LUC7L: variants seen among roughly 807,000 people sequenced by gnomAD.
LUC7L encodes putative RNA-binding protein Luc7-like 1.
In LUC7L, 29 loss-of-function variants were observed where a neutral mutation model predicts 51.1. That is an observed-to-expected ratio of 0.57 (90% CI 0.42 to 0.77). The LOEUF (loss-of-function observed/expected upper bound fraction) is 0.77, where lower values mean the gene tolerates loss of function less well. Among genes scored for constraint, LUC7L ranks in the 30% least tolerant of loss-of-function variants. The pLI is 0.00. For missense variants in LUC7L, 403 were observed against 511.9 expected (o/e 0.79, Z 2.05); for synonymous variants, 181 against 180.7 (o/e 1.00, Z -0.01).
rs750964192 is a variant in LUC7L, at chr16:208,508, T to TA, written c.256-321dup. The TA allele has an allele frequency of 1.1e-4, 63 of 576,572 alleles. No homozygotes were observed. The Middle Eastern group carries it at 2.8e-3, about 25-fold the overall frequency. 35.7% of individuals were successfully genotyped at this position (576,572 alleles called of 1,614,324 possible). A position where few individuals can be genotyped will look rare whatever the true frequency, so the allele number is the denominator to read the frequency against. On this transcript the variant is annotated intron_variant, in intron 3 of 9. Coordinates refer to ENST00000293872, the MANE Select transcript of LUC7L (RefSeq NM_201412.3). ...AATTAAAACACTTGGCAGCAATTCA[T>TA]AGAGTTCTCGGAGGGACAGAAAAGG...
At chr16:219,117 G>A (rs887515720) in intron 3 of LUC7L, among the ~76,000 whole-genome samples, 4 of 151,766 alleles carry the variant, frequency 2.6e-5, no homozygotes, top group East Asian at 3.9e-4. Flanking sequence ...TAGGACAGGC[G>A]CGGTGGCTCA....
intron 1 of LUC7L, chr16:228,193 T>C (rs1231888533): frequency 1.6e-6 from 2 of 1,269,292 alleles, no homozygotes; most frequent in African/African-American, 3.1e-5. Context: ...GAATATATTT[T>C]AGGATTTGCA....
intron 6 of LUC7L, among the ~76,000 whole-genome samples, chr16:194,889 A>G (rs1242262829): frequency 1.3e-5 from 2 of 152,204 alleles, no homozygotes; most frequent in Non-Finnish European, 1.5e-5. Flanking sequence ...TGTCAAGTGA[A>G]GCCCTGAGTG....
intron 5 of LUC7L, among the ~76,000 whole-genome samples, chr16:204,870 G>A (rs931510519): frequency 1.3e-5 from 2 of 152,096 alleles, no homozygotes; most frequent in Non-Finnish European, 2.9e-5. Context: ...AAAGTTTATG[G>A]TATTGCACTA....
intron 1 of LUC7L, chr16:228,826 G>C (rs1050960026): frequency 7.7e-7 from 1 of 1,293,554 alleles, no homozygotes; most frequent in Non-Finnish European, 1.0e-6. Flanking sequence ...CCTTGCAATG[G>C]TACAGAACCA....
intron 3 of LUC7L, among the ~76,000 whole-genome samples, chr16:218,573 C>T (rs28576529): frequency 0.033 from 5,066 of 151,766 alleles, 285 homozygotes; most frequent in African/African-American, 0.11. Context: ...ATACAAAAAT[C>T]AGCTGGGTGT....
At chr16:217,839 G>A (rs113750739) in intron 3 of LUC7L, among the ~76,000 whole-genome samples, 1 of 151,986 alleles carries the variant, frequency 6.6e-6, no homozygotes, top group Non-Finnish European at 1.5e-5. Flanking sequence ...AGGAGTTTGA[G>A]ACCAGCCTGA....
intron 3 of LUC7L, among the ~76,000 whole-genome samples, chr16:211,364 A>C (rs146060372): frequency 0.011 from 1,630 of 151,962 alleles, 24 homozygotes; most frequent in African/African-American, 0.038. Flanking sequence ...AGGCTGAGGC[A>C]GGAGAATCGC....
At chr16:214,712 T>C (rs2049738616) in intron 3 of LUC7L, among the ~76,000 whole-genome samples, 1 of 152,108 alleles carries the variant, frequency 6.6e-6, no homozygotes, top group Admixed American at 6.6e-5. Context: ...GTATTTTGTG[T>C]ACAGACAGGG....
Position 229,179 on chromosome 16 carries a change from A to T in LUC7L, c.61+100T>A, listed in dbSNP as rs2050209511. On this transcript the variant is annotated intron_variant, in intron 1 of 9. Coordinates refer to ENST00000293872, the MANE Select transcript of LUC7L (RefSeq NM_201412.3). ...GGGGAGGAGGAGCGATGCCCCGCGCAGGCGCAGGCGCAGACGATCGCGGCC... is the reference window on the plus strand; with the variant it reads ...GGGGAGGAGGAGCGATGCCCCGCGCTGGCGCAGGCGCAGACGATCGCGGCC... 4 of 1,469,564 alleles carry T rather than the reference A, an allele frequency of 2.7e-6. No homozygotes were observed. In the East Asian group the frequency reaches 1.1e-4, roughly 40 times the overall value. The allele number at this position is 1,469,564 out of a possible 1,614,324, so 91.0% of individuals were successfully genotyped here.
intron 3 of LUC7L, among the ~76,000 whole-genome samples, chr16:210,248 T>C (rs562330285): frequency 2.6e-5 from 4 of 152,102 alleles, no homozygotes; most frequent in Non-Finnish European, 2.9e-5. Context: ...GATCGCGCCA[T>C]TGCACTCCAG....
At position 193,949 on chromosome 16, in the gene LUC7L, G is replaced by A. The variant is rs141124527; in HGVS notation, c.688-934C>T. ...CTCCGGAGTAGCTGGGATTACAGGC[G>A]CCCGGCACTGCGCCCGGCTAATTTT... On this transcript the variant is annotated intron_variant, in intron 6 of 9. Coordinates refer to ENST00000293872, the MANE Select transcript of LUC7L (RefSeq NM_201412.3). Among the ~76,000 whole-genome samples the A allele has an allele frequency of 7.5e-3, 1,132 of 151,618 alleles. 13 individuals carry two copies. Among genetic ancestry groups the A allele is most frequent in the African/African-American group, 0.025 (1,048 of 41,300 alleles).
intron 3 of LUC7L, among the ~76,000 whole-genome samples, chr16:210,675 C>T (rs2049612208): frequency 6.6e-6 from 1 of 152,174 alleles, no homozygotes; most frequent in East Asian, 1.9e-4. Context: ...ACAACTCTCC[C>T]AATACCTAAA....
In LUC7L at chr16:192,939, C is replaced by G; in HGVS notation, c.764G>C (p.Arg255Pro). ...RRREEREREERLSRRSGSRTR... is the reference protein window; with the variant it reads ...RRREEREREEPLSRRSGSRTR... ...CCCTCAGGCTCACCTCCTGCTCAGA[C>G]GCTCCTCCCGTTCCCTCTCCTCTCT... Residue 255 changes from arginine (R) to proline (P), a missense_variant, in exon 7 of 10, where the codon CGT (arginine) becomes CCT (proline). By Grantham distance (103) the Arg-to-Pro change is moderately radical (BLOSUM62 -2). Coordinates refer to ENST00000293872, the MANE Select transcript of LUC7L (RefSeq NM_201412.3). 1 of 1,612,968 alleles carries G rather than the reference C, an allele frequency of 6.2e-7. No individual in the cohort carries two copies. Among genetic ancestry groups the G allele is most frequent in the Non-Finnish European group, 8.5e-7 (1 of 1,179,956 alleles).
At chr16:195,996 G>C (rs930929928) in intron 6 of LUC7L, among the ~76,000 whole-genome samples, 1 of 152,076 alleles carries the variant, frequency 6.6e-6, no homozygotes, top group South Asian at 2.1e-4. Flanking sequence ...GATAAAACAA[G>C]CTTTCTAACC....
chr16:189,648 A>G, intron 9 of LUC7L: 1 of 1,324,026 alleles, frequency 7.6e-7, no homozygotes, highest in Non-Finnish European at 9.6e-7. Context: ...AAAAATATCA[A>G]AAACAAAAAC....
At position 189,085 on chromosome 16, in the gene LUC7L, A is replaced by C; in HGVS notation, c.*113T>G. On this transcript the variant is annotated 3_prime_UTR_variant, in exon 10 of 10. Coordinates refer to ENST00000293872, the MANE Select transcript of LUC7L (RefSeq NM_201412.3). ...CTTCTAGAAACTCACAGCTAGCTCCAAAACAATAGAAATTTTAAACTACAA... is the reference window on the plus strand; with the variant it reads ...CTTCTAGAAACTCACAGCTAGCTCCCAAACAATAGAAATTTTAAACTACAA... 1 of 1,248,984 alleles carries C rather than the reference A, an allele frequency of 8.0e-7. No individual in the cohort carries two copies. Among genetic ancestry groups the C allele is most frequent in the South Asian group, 1.4e-5 (1 of 70,234 alleles). 77.4% of individuals were successfully genotyped at this position (1,248,984 alleles called of 1,614,324 possible).
intron 6 of LUC7L, among the ~76,000 whole-genome samples, chr16:194,195 C>G (rs995952259): frequency 1.6e-4 from 25 of 152,258 alleles, no homozygotes; most frequent in African/African-American, 6.0e-4. Context: ...CCTTGACCTC[C>G]CAGGCTCAAG....
chr16:211,052 CAA>C (rs572440490), intron 3 of LUC7L, among the ~76,000 whole-genome samples: 5 of 122,056 alleles, frequency 4.1e-5, no homozygotes, highest in East Asian at 2.5e-4. Context: ...CACTCCGTCT[CAA>C]AAAAAAAAAA....
Sources: gnomAD v4.1 joint callset for allele counts (sites outside exome capture counted in the v4.1 genomes callset) on GRCh38, gnomAD v4.1.1 for gene constraint, MANE v1.5 for transcripts, NCBI Gene and HGNC (gene_info 2026-07-23, HGNC 2026-07-21) for gene names.